The following ZDHHC19 variants were observed in gnomAD, a reference collection of about 807,000 sequenced individuals.
The protein encoded by ZDHHC19 is palmitoyltransferase ZDHHC19.
ZDHHC19 carries 30 observed loss-of-function variants against 33.9 expected under a neutral mutation model. The ratio of observed to expected loss-of-function variants is 0.88; its 90% confidence interval spans 0.66 to 1.20. The LOEUF (loss-of-function observed/expected upper bound fraction) is 1.20, where lower values mean the gene tolerates loss of function less well. Among genes scored for constraint, ZDHHC19 ranks in the 50% most tolerant of loss-of-function variants. ZDHHC19 has a pLI of 0.00. For synonymous variants in ZDHHC19, 178 were observed against 167.6 expected (o/e 1.06, Z -0.48); for missense variants, 364 against 401.1 (o/e 0.91, Z 0.79).
At position 196,208,555 on chromosome 3, in the gene ZDHHC19, A is replaced by G. The variant is rs1346828469; in HGVS notation, c.414T>C (p.Phe138=). 1.9e-6 allele frequency: 3 copies of G among 1,613,884 alleles called. No homozygotes were observed. Among genetic ancestry groups the G allele is most frequent in the Admixed American group, 1.7e-5 (1 of 59,996 alleles). ...TATTGACCCACTTGCAGTGGTGGTCAAAGTCCTGGGCGACAGGGAGAGGGG... is the reference window on the plus strand; with the variant it reads ...TATTGACCCACTTGCAGTGGTGGTCGAAGTCCTGGGCGACAGGGAGAGGGG... The part of the protein sequence containing the change: ...CPWCNICVED[F]DHHCKWVNNC... The change falls in exon 4 of 8, where the codon TTT becomes TTC. Residue 138 remains phenylalanine (F), a synonymous_variant. Coordinates refer to ENST00000296326, the MANE Select transcript of ZDHHC19 (RefSeq NM_001039617.2).
rs144857127 is a variant in ZDHHC19 at position 196,208,150 on chromosome 3, C to T, written c.581+238G>A. On this transcript the variant is annotated intron_variant, in intron 4 of 7. Coordinates refer to ENST00000296326, the MANE Select transcript of ZDHHC19 (RefSeq NM_001039617.2). ...TCGGGCTGAAGCGATCCTCCCGCCT[C>T]GGCCTCCCAAAGTGCCGGAATTACA... Among the ~76,000 whole-genome samples the T allele has an allele frequency of 6.1e-3, 929 of 152,074 alleles. 12 individuals are homozygous for T. The highest frequency in any genetic ancestry group is 0.021 in the African/African-American group (887 of 41,512).
At position 196,207,479 on chromosome 3, in the gene ZDHHC19, C is replaced by T. The variant is rs1289488491; in HGVS notation, c.606G>A (p.Ala202=). Residue 202 remains alanine, a synonymous_variant, in exon 5 of 8, where the codon GCG becomes GCA. Transcript: ENST00000296326. ...AIAIVVAVSA[A]GLLVPLSLLL... ...GGAGGGACAGCGGCACCAGGAGGCCCGCGGCGGACACGGCCACCACGATGC... is the reference window on the plus strand; with the variant it reads ...GGAGGGACAGCGGCACCAGGAGGCCTGCGGCGGACACGGCCACCACGATGC... The T allele has an allele frequency of 6.4e-7, 1 of 1,568,196 alleles. No homozygotes were observed. The highest frequency in any genetic ancestry group is 8.6e-7 in the Non-Finnish European group (1 of 1,157,540).
At chr3:196,199,848 G>A (rs7622473) in intron 5 of ZDHHC19, among the ~76,000 whole-genome samples, 39,441 of 151,510 alleles carry the variant, frequency 0.26, 9,120 homozygotes, top group African/African-American at 0.62. Context: ...GGGAGGCTGA[G>A]ACAGAAGAAT....
In ZDHHC19 at chr3:196,198,404, C is replaced by T. The variant is rs1721974358; in HGVS notation, c.821G>A (p.Trp274Ter). The change falls in exon 7 of 8, where the codon TGG (tryptophan) becomes TAG (stop). Residue 274 changes from tryptophan to a stop codon, truncating the protein, a stop_gained. Coordinates refer to ENST00000296326, the MANE Select transcript of ZDHHC19 (RefSeq NM_001039617.2). LOFTEE classifies it high-confidence loss of function. ...VQLQRVVGPD[W>*]TSMPNLHPPM... is the part of the protein sequence containing the mutation. The stretch of plus-strand genomic sequence containing the variant: ...AGGGTGCAGATTCGGCATGGATGTC[C>T]AGTCAGGCCCCACCACTCTCTGCAG... 1 of 1,544,226 alleles carries T rather than the reference C, an allele frequency of 6.5e-7. No individual in the cohort carries two copies. The highest frequency in any genetic ancestry group is 1.8e-4 in the Middle Eastern group (1 of 5,706).
intron 2 of ZDHHC19, among the ~76,000 whole-genome samples, chr3:196,210,363 G>GAAAGAAAGAAAGAAAGAAAGAAA (rs1560142876): frequency 4.1e-5 from 2 of 48,646 alleles, no homozygotes; most frequent in African/African-American, 1.4e-4. Flanking sequence ...AAAGAAAGAA[G>GAAAGAAAGAAAGAAAGAAAGAAA]GAAGGAAGGA....
Position 196,203,043 on chromosome 3 carries a change from T to C in ZDHHC19, c.688-4169A>G, listed in dbSNP as rs1201031185. Among the ~76,000 whole-genome samples the C allele has an allele frequency of 1.3e-5, 2 of 152,064 alleles. No homozygotes were observed. The highest frequency in any genetic ancestry group is 2.4e-5 in the African/African-American group (1 of 41,400). ...GGGAGGCCGAGGCGAGTGGCTCACC[T>C]GAGGTCAGGAGTTCGAGACCAGCCT... On this transcript the variant is annotated intron_variant, in intron 5 of 7. Coordinates refer to ENST00000296326, the MANE Select transcript of ZDHHC19 (RefSeq NM_001039617.2). This position sits in a 1 kb window ranked among gnomAD's most constrained non-coding sequence, Gnocchi z 4.3.
intron 5 of ZDHHC19, among the ~76,000 whole-genome samples, chr3:196,205,643 C>A (rs1722671539): frequency 6.6e-6 from 1 of 152,056 alleles, no homozygotes; most frequent in Non-Finnish European, 1.5e-5. Context: ...GATTATTGCT[C>A]AATAAACGAC....
intron 5 of ZDHHC19, among the ~76,000 whole-genome samples, chr3:196,202,158 A>T (rs936557083): frequency 1.3e-5 from 2 of 152,092 alleles, no homozygotes; most frequent in African/African-American, 4.8e-5. Flanking sequence ...GTCTCTAATA[A>T]AATACGAAAA....
At chr3:196,199,409 C>A in intron 5 of ZDHHC19, 1 of 160,974 alleles carries the variant, frequency 6.2e-6, no homozygotes. Flanking sequence ...CATCTCTGCC[C>A]ACCACCAACT....
intron 5 of ZDHHC19, among the ~76,000 whole-genome samples, chr3:196,200,567 G>T (rs554952535): frequency 6.7e-6 from 1 of 150,202 alleles, no homozygotes; most frequent in Non-Finnish European, 1.5e-5. Context: ...TGTTAGCCAG[G>T]ATGGTCTCGA....
At chr3:196,208,809 C>A (rs1241409745) in intron 3 of ZDHHC19, 3 of 510,626 alleles carry the variant, frequency 5.9e-6, no homozygotes, top group Middle Eastern at 5.3e-4. Context: ...ACTGGCCTGG[C>A]CTTCTGTGAG....
At position 196,200,472 on chromosome 3, in the gene ZDHHC19, A is replaced by G. The variant is rs539733131; in HGVS notation, c.688-1598T>C. On this transcript the variant is annotated intron_variant, in intron 5 of 7. Transcript: ENST00000296326. ...CAGGTTCACGCCATTCTCCTGCCTC[A>G]GCCTCCCAAGTAGCTGGGATTACAG... Among the ~76,000 whole-genome samples, 238 of 146,726 alleles carry G rather than the reference A, an allele frequency of 1.6e-3. 2 individuals are homozygous for G. The highest frequency in any genetic ancestry group is 2.5e-3 in the Non-Finnish European group (169 of 67,322).
chr3:196,207,523 G>A lies in ZDHHC19; in HGVS notation c.582-20C>T, dbSNP rs763275852. 8 of 1,530,426 alleles carry A rather than the reference G, an allele frequency of 5.2e-6. 1 individual carries two copies. In the South Asian group the frequency reaches 6.0e-5, roughly 12 times the overall value. 94.8% of individuals were successfully genotyped at this position (1,530,426 alleles called of 1,614,324 possible). A position where few individuals can be genotyped will look rare whatever the true frequency, so the allele number is the denominator to read the frequency against. On this transcript the variant is annotated intron_variant, in intron 4 of 7. Coordinates refer to ENST00000296326, the MANE Select transcript of ZDHHC19 (RefSeq NM_001039617.2). ...ACGATGCTGCGCGGGTTAAGGAACC[G>A]GGCTGCGGGACCCCCACGCCTGGCC...
rs918023670 is a variant in ZDHHC19 at position 196,197,970 on chromosome 3, C to T, written c.*20-245G>A. Among the ~76,000 whole-genome samples the T allele has an allele frequency of 2.6e-5, 4 of 152,150 alleles. No homozygotes were observed. Among genetic ancestry groups the T allele is most frequent in the Admixed American group, 2.0e-4 (3 of 15,290 alleles). ...TCTCCCGCCACCCGCACCCCCTGGC[C>T]AAATTATAAACCACGAGACTCATCT... On this transcript the variant is annotated intron_variant, in intron 7 of 7. Transcript: ENST00000296326. This position sits in a 1 kb window ranked among gnomAD's most constrained non-coding sequence, Gnocchi z 4.4.
At chr3:196,208,718 T>TGAGG in intron 3 of ZDHHC19, 158 bp from the exon 4 acceptor site, 1 of 778,306 alleles carries the variant, frequency 1.3e-6, no homozygotes. Flanking sequence ...ACAGAATGCC[T>TGAGG]CATGCTGGCA....
rs781645447 is a variant in ZDHHC19 at position 196,198,385 on chromosome 3, C to G, written c.840G>C (p.Leu280=). 9 of 1,540,292 alleles carry G rather than the reference C, an allele frequency of 5.8e-6. No homozygotes were observed. In the African/African-American group the frequency reaches 1.2e-4, roughly 21 times the overall value. Residue 280 remains leucine (L), a synonymous_variant, in exon 7 of 8, where the codon CTG becomes CTC. Transcript: ENST00000296326. ...VGPDWTSMPN[L]HPPMSPSALN... ...GAGCAGAGGGGGACATTGGAGGGTG[C>G]AGATTCGGCATGGATGTCCAGTCAG...
At chr3:196,200,596 C>T (rs575407296) in intron 5 of ZDHHC19, among the ~76,000 whole-genome samples, 1,803 of 150,132 alleles carry the variant, frequency 0.012, 14 homozygotes, top group Middle Eastern at 0.038. Context: ...CCTCGTGATC[C>T]GCCCACCTTG....
intron 2 of ZDHHC19, among the ~76,000 whole-genome samples, chr3:196,210,001 C>A (rs1212528985): frequency 6.6e-6 from 1 of 152,072 alleles, no homozygotes; most frequent in Non-Finnish European, 1.5e-5. Flanking sequence ...ACCAGCCTGG[C>A]CAATATGGTG....
rs1463131057 is a variant in ZDHHC19, at chr3:196,209,433, G to A, written c.351C>T (p.Cys117=). The A allele has an allele frequency of 6.2e-7, 1 of 1,610,738 alleles. No individual in the cohort carries two copies. Among genetic ancestry groups the A allele is most frequent in the Non-Finnish European group, 8.5e-7 (1 of 1,178,854 alleles). Residue 117 remains cysteine, a synonymous_variant, in exon 3 of 8, where the codon TGC becomes TGT. Coordinates refer to ENST00000296326, the MANE Select transcript of ZDHHC19 (RefSeq NM_001039617.2). ...GAFRLQWCPK[C]CFHRPPRTYH... Reference sequence around the variant, plus strand: ...AAGTCCGGGGCGGGCGGTGGAAGCAGCACTTTGGACACCATTGCAGGCGGA... The same window carrying A: ...AAGTCCGGGGCGGGCGGTGGAAGCAACACTTTGGACACCATTGCAGGCGGA...
Sources: gnomAD v4.1 joint callset for allele counts (sites outside exome capture counted in the v4.1 genomes callset) on GRCh38, gnomAD v4.1.1 for gene constraint, Gnocchi (gnomAD v3.1) non-coding constraint, MANE v1.5 for transcripts, NCBI Gene and HGNC (gene_info 2026-07-23, HGNC 2026-07-21) for gene names.